CD109: variants seen among roughly 807,000 people sequenced by gnomAD.
The protein encoded by CD109 is CD109 molecule.
A neutral mutation model predicts 165.8 loss-of-function variants in CD109; 149 were observed. The ratio of observed to expected loss-of-function variants is 0.90; its 90% CI spans 0.79 to 1.03. The LOEUF is 1.03. Ranked by LOEUF, CD109 falls within the 50% of genes least tolerant of loss-of-function variation. The pLI, the probability that CD109 is intolerant of heterozygous loss-of-function variation, is 0.00. For missense variants in CD109, 1,712 were observed against 1,677.8 expected, an observed-to-expected ratio of 1.02 and a Z score of -0.36; for synonymous variants, 585 against 592.1, an observed-to-expected ratio of 0.99 and a Z score of 0.18.
intron 23 of CD109, among the ~76,000 whole-genome samples, chr6:73,802,285 G>GTATATATATATATA (rs1386422247): frequency 1.0e-5 from 1 of 99,624 alleles, no homozygotes; most frequent in Non-Finnish European, 2.0e-5. Flanking sequence ...GTGTGTGTGT[G>GTATATATATATATA]TGTGTATATA....
chr6:73,683,237 C>T, the CD109 span, among the ~76,000 whole-genome samples: 1 of 152,200 alleles, frequency 6.6e-6, no homozygotes, highest in Non-Finnish European at 1.5e-5. Context: ...GCACCCAAGT[C>T]ACCTCTTGAA....
chr6:73,736,354 C>T, intron 4 of CD109, 29 bp from the exon 5 acceptor site: 1 of 1,611,000 alleles, frequency 6.2e-7, no homozygotes, highest in Non-Finnish European at 8.5e-7. Flanking sequence ...GCAGCCTCTA[C>T]ATACTTACAT....
At chr6:73,705,125 T>C (rs1162196936) in intron 2 of CD109, among the ~76,000 whole-genome samples, 2 of 152,194 alleles carry the variant, frequency 1.3e-5, no homozygotes, top group African/African-American at 4.8e-5. Context: ...TCTAAAAAGA[T>C]GTTTCATTCT....
At position 73,730,392 on chromosome 6, in the gene CD109, C is replaced by T. The variant is rs534213077; in HGVS notation, c.325C>T (p.Arg109Cys). 20 of 1,613,780 alleles carry T rather than the reference C, an allele frequency of 1.2e-5. No homozygotes were observed. The highest frequency in any genetic ancestry group is 3.3e-4 in the Middle Eastern group (2 of 6,082). ...GATTTATGAGCTACGTGTAACCGGA[C>T]GTACCCAGGATGAGATTTTATTCTC... ...DEIYELRVTGRTQDEILFSNS... is the reference protein window; with the variant it reads ...DEIYELRVTGCTQDEILFSNS... Residue 109 changes from arginine to cysteine, a missense_variant, in exon 4 of 33, where the codon CGT becomes TGT. By Grantham distance (180) the Arg-to-Cys change is radical. Coordinates refer to ENST00000287097, the MANE Select transcript of CD109 (RefSeq NM_133493.5).
upstream of CD109, among the ~76,000 whole-genome samples, chr6:73,693,127 G>T (rs1582017854): frequency 6.7e-6 from 1 of 148,504 alleles, no homozygotes. Context: ...TTGCTATAAG[G>T]TAGTACCCAA....
intron 5 of CD109, among the ~76,000 whole-genome samples, chr6:73,754,217 A>T (rs568042703): frequency 6.6e-6 from 1 of 152,338 alleles, no homozygotes; most frequent in Non-Finnish European, 1.5e-5. Flanking sequence ...TGGGATAGAG[A>T]TAAGGATTTA....
At chr6:73,730,136 G>A (rs1261350955) in intron 3 of CD109, among the ~76,000 whole-genome samples, 4 of 152,172 alleles carry the variant, frequency 2.6e-5, no homozygotes, top group Non-Finnish European at 5.9e-5. Context: ...CCCCATTCCA[G>A]GAGCCCTGTG....
At chr6:73,680,844 G>A in the CD109 span, among the ~76,000 whole-genome samples, 8 of 152,108 alleles carry the variant, frequency 5.3e-5, no homozygotes, top group Non-Finnish European at 1.2e-4. Context: ...CTGGGTTCTG[G>A]GCAGGACAAA....
chr6:73,798,660 G>A (rs911603328), intron 23 of CD109, among the ~76,000 whole-genome samples: 2 of 152,120 alleles, frequency 1.3e-5, no homozygotes, highest in Admixed American at 6.5e-5. Flanking sequence ...CTGCAAAACT[G>A]GTGATTGTCT....
the CD109 span, among the ~76,000 whole-genome samples, chr6:73,681,885 G>A: frequency 5.3e-5 from 8 of 152,184 alleles, no homozygotes; most frequent in South Asian, 1.7e-3. Flanking sequence ...TTACAGGTCT[G>A]AGCCACCGCA....
chr6:73,765,510 C>T (rs1362859335), intron 10 of CD109, among the ~76,000 whole-genome samples: 1 of 152,040 alleles, frequency 6.6e-6, no homozygotes, highest in African/African-American at 2.4e-5. Flanking sequence ...AGGTGTTGGG[C>T]ATGAACTCCA....
At chr6:73,737,330 T>C (rs1397585873) in intron 5 of CD109, among the ~76,000 whole-genome samples, 4 of 152,218 alleles carry the variant, frequency 2.6e-5, no homozygotes, top group African/African-American at 7.2e-5. Context: ...CGTGTGTGAA[T>C]TGACCTGTAT....
At chr6:73,766,646 A>AT (rs1773863235) in intron 11 of CD109, 113 bp from the exon 12 acceptor site, 4 of 721,766 alleles carry the variant, frequency 5.5e-6, no homozygotes, top group Non-Finnish European at 9.4e-6. Flanking sequence ...TTTTTCTTGC[A>AT]TTAAAAAAAA....
intron 27 of CD109, among the ~76,000 whole-genome samples, chr6:73,810,617 G>C (rs1562084013): frequency 6.6e-6 from 1 of 151,954 alleles, no homozygotes; most frequent in Non-Finnish European, 1.5e-5. Flanking sequence ...AATTCAGTGG[G>C]ATCTACAGAA....
intron 14 of CD109, among the ~76,000 whole-genome samples, chr6:73,771,034 T>C (rs1335698219): frequency 6.6e-6 from 1 of 152,156 alleles, no homozygotes; most frequent in African/African-American, 2.4e-5. Flanking sequence ...ACTTCTGAGC[T>C]CACGTCACCA....
At chr6:73,780,604 C>A in intron 16 of CD109, 106 bp downstream of exon 16, 1 of 729,154 alleles carries the variant, frequency 1.4e-6, no homozygotes, top group South Asian at 1.7e-5. Context: ...TTAAATGTGT[C>A]ACTGAAGCGC....
intron 23 of CD109, among the ~76,000 whole-genome samples, chr6:73,801,868 T>G (rs1775369565): frequency 6.6e-6 from 1 of 152,238 alleles, no homozygotes; most frequent in African/African-American, 2.4e-5. Context: ...TGCCCTTACC[T>G]GCTAATAGTG....
chr6:73,795,065 G>A (rs1775107361), intron 23 of CD109, among the ~76,000 whole-genome samples: 1 of 145,812 alleles, frequency 6.9e-6, no homozygotes. Flanking sequence ...ATTTGGGATT[G>A]TCATGAATGA....
intron 6 of CD109, among the ~76,000 whole-genome samples, chr6:73,758,531 A>G (rs112864115): frequency 0.12 from 18,581 of 151,998 alleles, 1,277 homozygotes; most frequent in Non-Finnish European, 0.15. Context: ...GATTACAGGC[A>G]TGCACCACCA....
Sources: gnomAD v4.1 joint callset for allele counts (sites outside exome capture counted in the v4.1 genomes callset) on GRCh38, gnomAD v4.1.1 for gene constraint, MANE v1.5 for transcripts, NCBI Gene and HGNC (gene_info 2026-07-23, HGNC 2026-07-21) for gene names.